The following SACS variants were observed in gnomAD, a reference collection of about 807,000 sequenced individuals.
SACS encodes sacsin.
SACS carries 197 observed loss-of-function variants against 348.0 expected under a neutral mutation model. That is an observed-to-expected ratio of 0.57 (90% CI 0.50 to 0.64). The LOEUF (loss-of-function observed/expected upper bound fraction) is 0.64, where lower values mean the gene tolerates loss of function less well. SACS is among the 30% of genes least tolerant of loss of function. The pLI is 0.00. For synonymous variants in SACS, 1,985 were observed against 1,910.6 expected (o/e 1.04, Z -1.02); for missense variants, 4,999 against 5,360.8 (o/e 0.93, Z 2.11).
intron 2 of SACS, among the ~76,000 whole-genome samples, chr13:23,386,968 A>G (rs1405975116): frequency 6.6e-6 from 1 of 152,190 alleles, no homozygotes; most frequent in Non-Finnish European, 1.5e-5. Flanking sequence ...GTGGCACCCC[A>G]AAACAATTAC....
chr13:23,410,677 TATAC>T (rs1204061743), intron 2 of SACS, among the ~76,000 whole-genome samples: 12 of 152,110 alleles, frequency 7.9e-5, no homozygotes, highest in Non-Finnish European at 1.8e-4. Context: ...ATTATATAAA[TATAC>T]ATACTTTTTT....
chr13:23,408,895 C>G (rs975929688), intron 2 of SACS, among the ~76,000 whole-genome samples: 11 of 151,100 alleles, frequency 7.3e-5, no homozygotes, highest in South Asian at 2.1e-4. Context: ...TCGGGAGGCG[C>G]AGCTTGCAGT....
intron 7 of SACS, among the ~76,000 whole-genome samples, chr13:23,356,290 G>C (rs1870384999): frequency 6.6e-6 from 1 of 152,212 alleles, no homozygotes; most frequent in South Asian, 2.1e-4. Context: ...GATGGGCAGA[G>C]TATTTGGATA....
chr13:23,373,772 G>A (rs1871550619), intron 3 of SACS: 1 of 147,482 alleles, frequency 6.8e-6, no homozygotes, highest in African/African-American at 2.6e-5. Context: ...ACTCCAGCCT[G>A]GCGACAGAGC....
At chr13:23,393,769 T>A (rs920689972) in intron 2 of SACS, among the ~76,000 whole-genome samples, 4 of 152,090 alleles carry the variant, frequency 2.6e-5, no homozygotes, top group African/African-American at 9.7e-5. Flanking sequence ...TATTTTTTTT[T>A]ATTTTTTTTG....
intron 2 of SACS, among the ~76,000 whole-genome samples, chr13:23,393,835 A>T (rs1310371000): frequency 6.6e-6 from 1 of 151,960 alleles, no homozygotes; most frequent in African/African-American, 2.4e-5. Context: ...ATCTCGGCTC[A>T]CTGCAAGCTC....
Position 23,329,835 on chromosome 13 carries a change from C to G in SACS, c.*301G>C. On this transcript the variant is annotated 3_prime_UTR_variant, in exon 10 of 10. Transcript: ENST00000382292. ...TCCTAACCAGAGACATACATAGACT[C>G]TTATCTAACAAACTGCTAAGCTTTG... 1 of 497,826 alleles carries G rather than the reference C, an allele frequency of 2.0e-6. No individual in the cohort carries two copies. The allele number at this position is 497,826 out of a possible 1,614,324, so 30.8% of individuals were successfully genotyped here.
At position 23,409,040 on chromosome 13, in the gene SACS, C is replaced by CTTTTTTTTTTTTTTTTTTT. The variant is rs1175897856; in HGVS notation, c.20+2161_20+2179dup. On this transcript the variant is annotated intron_variant, in intron 2 of 9. Transcript: ENST00000382292. The stretch of plus-strand genomic sequence containing the variant: ...TATGGTCTTAATAAAACAAGTTTTA[C>CTTTTTTTTTTTTTTTTTTT]TTTTTTTTTTTTTTTTTTTTTTTTT... 5.4e-3 allele frequency among the ~76,000 whole-genome samples: 189 copies of CTTTTTTTTTTTTTTTTTTT among 35,150 alleles called. 70 individuals are homozygous for CTTTTTTTTTTTTTTTTTTT. Among genetic ancestry groups the CTTTTTTTTTTTTTTTTTTT allele is most frequent in the Non-Finnish European group, 6.1e-3 (125 of 20,388 alleles). The allele number at this position is 35,150 out of a possible 152,430, so 23.1% of individuals were successfully genotyped here.
chr13:23,427,828 C>G (rs1038431940), intron 1 of SACS: 2 of 152,070 alleles, frequency 1.3e-5, no homozygotes, highest in Non-Finnish European at 2.9e-5. Flanking sequence ...GGCTGGTCCC[C>G]GAGGACGAGG....
rs1428519022 is a variant in SACS at position 23,341,609 on chromosome 13, G to T, written c.2267C>A (p.Pro756His). The part of the protein sequence containing the change: ...LIKEVMNTFW[P>H]GRELIVQWYP... ...CCATTGAACAATCAATTCTCTGCCA[G>T]GCCAGAATGTATTCATTACTTCCTT... The change falls in exon 10 of 10, where the codon CCT becomes CAT. Residue 756 changes from proline (P) to histidine (H), a missense_variant. Coordinates refer to ENST00000382292, the MANE Select transcript of SACS (RefSeq NM_014363.6). The T allele has an allele frequency of 6.2e-7, 1 of 1,613,774 alleles. No individual in the cohort carries two copies. Among genetic ancestry groups the T allele is most frequent in the Admixed American group, 1.7e-5 (1 of 60,010 alleles).
intron 1 of SACS, among the ~76,000 whole-genome samples, chr13:23,412,159 T>A (rs1873512653): frequency 6.6e-6 from 1 of 152,122 alleles, no homozygotes; most frequent in East Asian, 2.0e-4. Context: ...CTTGGGAGGC[T>A]GAGGCAGGAG....
At chr13:23,424,162 A>T in intron 1 of SACS, among the ~76,000 whole-genome samples, 5 of 152,176 alleles carry the variant, frequency 3.3e-5, no homozygotes, top group African/African-American at 1.2e-4. Context: ...GATGTGCTTT[A>T]TTATATCACT....
Position 23,337,694 on chromosome 13 carries a change from A to T in SACS, c.6182T>A (p.Phe2061Tyr). 1 of 1,612,936 alleles carries T rather than the reference A, an allele frequency of 6.2e-7. No individual in the cohort carries two copies. Among genetic ancestry groups the T allele is most frequent in the Non-Finnish European group, 8.5e-7 (1 of 1,179,726 alleles). ...TTCAATTTCTTGAATATTTGGAAAA[A>T]ACACTTCAGAAAAAAACTGTTTCTC... ...FSEKQFFSEV[F>Y]FPNIQEIEAE... The change falls in exon 10 of 10, where the codon TTT (phenylalanine) becomes TAT (tyrosine). Residue 2061 changes from phenylalanine to tyrosine, a missense_variant. Around this residue, in one of 6 missense-constraint regions of SACS, gnomAD observed 3,156 missense variants for 3,380.1 expected, o/e 0.93. Coordinates refer to ENST00000382292, the MANE Select transcript of SACS (RefSeq NM_014363.6).
intron 9 of SACS, among the ~76,000 whole-genome samples, chr13:23,346,993 A>T (rs1371704573): frequency 6.6e-6 from 1 of 152,244 alleles, no homozygotes; most frequent in Non-Finnish European, 1.5e-5. Flanking sequence ...CTCCAAACAT[A>T]GCAGAATACA....
rs1869082126 is a variant in SACS at position 23,340,310 on chromosome 13, A to C, written c.3566T>G (p.Val1189Gly). The C allele has an allele frequency of 3.7e-6, 6 of 1,613,912 alleles. No homozygotes were observed. The highest frequency in any genetic ancestry group is 4.2e-6 in the Non-Finnish European group (5 of 1,179,964). Reference sequence around the variant, plus strand: ...GGAGCCAATGAGAATTGCATGGCCTACATCACACATATCTGGTGGTGCACA... The same window carrying C: ...GGAGCCAATGAGAATTGCATGGCCTCCATCACACATATCTGGTGGTGCACA... ...NLCAPPDMCD[V>G]GHAILIGSSL... The change falls in exon 10 of 10, where the codon GTA (valine) becomes GGA (glycine). Residue 1189 changes from valine to glycine, a missense_variant. Coordinates refer to ENST00000382292, the MANE Select transcript of SACS (RefSeq NM_014363.6).
intron 1 of SACS, among the ~76,000 whole-genome samples, chr13:23,413,110 T>C (rs1417798500): frequency 2.6e-5 from 4 of 152,120 alleles, no homozygotes; most frequent in Admixed American, 2.6e-4. Context: ...CCTGAGTAGC[T>C]GGGATTACAA....
At chr13:23,382,547 A>G (rs9510715) in intron 2 of SACS, among the ~76,000 whole-genome samples, 4,861 of 152,298 alleles carry the variant, frequency 0.032, 139 homozygotes, top group East Asian at 0.14. Flanking sequence ...ATAAAAATGG[A>G]TGTTTCTGAA....
intron 2 of SACS, among the ~76,000 whole-genome samples, chr13:23,388,906 G>T (rs983772533): frequency 2.6e-5 from 4 of 151,942 alleles, no homozygotes; most frequent in African/African-American, 9.7e-5. Context: ...ATTTAATATA[G>T]TATTTCAGGG....
chr13:23,383,468 G>A (rs933194743), intron 2 of SACS, among the ~76,000 whole-genome samples: 10 of 152,070 alleles, frequency 6.6e-5, no homozygotes, highest in African/African-American at 1.4e-4. Context: ...TACCTGCATC[G>A]TAATGTCCAA....
Sources: allele counts gnomAD v4.1 joint callset (sites outside exome capture counted in the v4.1 genomes callset), GRCh38; gene constraint gnomAD v4.1.1; regional missense constraint gnomAD v4.1.1; transcripts MANE v1.5; gene names NCBI Gene and HGNC (gene_info 2026-07-23, HGNC 2026-07-21).